The following UBE3C variants were observed in gnomAD, a reference collection of about 807,000 sequenced individuals.
UBE3C encodes the protein ubiquitin protein ligase E3C.
Under a neutral mutation model 129.4 loss-of-function variants are expected in UBE3C, and 42 were observed. The observed-to-expected ratio is 0.32, with a 90% CI of 0.25 to 0.42. The LOEUF is 0.42. Among genes scored for constraint, UBE3C ranks in the 10% least tolerant of loss-of-function variants. The pLI, the probability that UBE3C is intolerant of heterozygous loss-of-function variation, is 1.00. For missense variants in UBE3C, 1,049 were observed against 1,319.1 expected, an observed-to-expected ratio of 0.80 and a Z score of 3.17; for synonymous variants, 510 against 492.4, an observed-to-expected ratio of 1.04 and a Z score of -0.47.
intron 1 of UBE3C, among the ~76,000 whole-genome samples, chr7:157,143,872 T>A (rs2116786118): frequency 6.6e-6 from 1 of 152,226 alleles, no homozygotes; most frequent in African/African-American, 2.4e-5. Context: ...AGGGTGGGAC[T>A]CGTGAGGTAC....
intron 1 of UBE3C, among the ~76,000 whole-genome samples, chr7:157,147,874 A>T (rs1807650141): frequency 6.6e-6 from 1 of 152,206 alleles, no homozygotes; most frequent in African/African-American, 2.4e-5. Flanking sequence ...CGTCTTGCGT[A>T]TCTGGAATAA....
rs1393034393 is a variant in UBE3C at position 157,256,989 on chromosome 7, G to A, written c.3026G>A (p.Arg1009His). ...GAAGGGTTCACTGATGAAGAAAAGC[G>A]CAAACTGCTGAAGTTTGTAACAAGC... ...VVEGFTDEEK[R>H]KLLKFVTSCS... Residue 1009 changes from arginine to histidine, a missense_variant, in exon 22 of 23, where the codon CGC becomes CAC. This residue lies in a region of UBE3C where 243 missense variants were observed against 368.7 expected (regional missense o/e 0.66). Coordinates refer to ENST00000348165, the MANE Select transcript of UBE3C (RefSeq NM_014671.3). The A allele has an allele frequency of 1.9e-6, 3 of 1,614,186 alleles. No homozygotes were observed. The highest frequency in any genetic ancestry group is 1.7e-6 in the Non-Finnish European group (2 of 1,180,022).
chr7:157,231,065 A>T lies in UBE3C; in HGVS notation c.2234-15A>T, dbSNP rs772735703. 20 of 1,586,160 alleles carry T rather than the reference A, an allele frequency of 1.3e-5. No homozygotes were observed. Among genetic ancestry groups the T allele is most frequent in the South Asian group, 1.0e-4 (9 of 88,552 alleles). ...TAACATCTTTCCTCCTCACCCTCCC[A>T]TTTTTTTTTAACAGAGCCTGATTTG... On this transcript the variant is annotated splice_polypyrimidine_tract_variant and intron_variant, in intron 17 of 22. Coordinates refer to ENST00000348165, the MANE Select transcript of UBE3C (RefSeq NM_014671.3).
chr7:157,207,642 CTT>C (rs1475036653), intron 12 of UBE3C, 59 bp from the exon 13 acceptor site: 1 of 1,591,776 alleles, frequency 6.3e-7, no homozygotes, highest in Admixed American at 1.8e-5. Flanking sequence ...CTTTTTAAGT[CTT>C]TCAGTGTGTG....
intron 1 of UBE3C, among the ~76,000 whole-genome samples, chr7:157,150,660 T>G (rs968958974): frequency 6.6e-6 from 1 of 152,256 alleles, no homozygotes; most frequent in Non-Finnish European, 1.5e-5. Context: ...GTCATTAATT[T>G]ATTAACATAC....
intron 22 of UBE3C, among the ~76,000 whole-genome samples, chr7:157,263,749 G>T (rs2116716457): frequency 6.9e-6 from 1 of 145,040 alleles, no homozygotes; most frequent in African/African-American, 2.5e-5. Flanking sequence ...TTTTTATATT[G>T]GATTTTTTTT....
intron 18 of UBE3C, among the ~76,000 whole-genome samples, chr7:157,232,701 T>C (rs571896018): frequency 1.3e-5 from 2 of 152,346 alleles, no homozygotes; most frequent in East Asian, 3.9e-4. Context: ...CTATTGTGAT[T>C]AATTTCTGTA....
chr7:157,158,050 C>CT (rs60257662), intron 1 of UBE3C, among the ~76,000 whole-genome samples: 1,668 of 101,076 alleles, frequency 0.017, 23 homozygotes, highest in East Asian at 0.054. Context: ...CTCTTTTTTC[C>CT]TTTTTTTTTT....
At chr7:157,146,491 G>A (rs1325020066) in intron 1 of UBE3C, among the ~76,000 whole-genome samples, 1 of 152,092 alleles carries the variant, frequency 6.6e-6, no homozygotes, top group African/African-American at 2.4e-5. Context: ...AAAGTGCTGG[G>A]ATTACAGGCA....
chr7:157,185,256 C>T (rs1375021010), intron 9 of UBE3C, among the ~76,000 whole-genome samples: 1 of 152,220 alleles, frequency 6.6e-6, no homozygotes, highest in Non-Finnish European at 1.5e-5. Flanking sequence ...CATGCGGACC[C>T]GTGAACCGGG....
intron 17 of UBE3C, 125 bp downstream of exon 17, chr7:157,225,664 T>C: frequency 8.7e-7 from 1 of 1,146,778 alleles, no homozygotes; most frequent in Non-Finnish European, 1.2e-6. Context: ...AACTGAAATG[T>C]GAGGCTGGGC....
rs35366316 is a variant in UBE3C at position 157,208,055 on chromosome 7, C to CTTTTTTTTT, written c.1809+149_1809+157dup. 4.2e-4 allele frequency: 39 copies of CTTTTTTTTT among 91,926 alleles called. 11 individuals are homozygous for CTTTTTTTTT. Among genetic ancestry groups the CTTTTTTTTT allele is most frequent in the East Asian group, 1.3e-3 (3 of 2,280 alleles). 5.7% of individuals were successfully genotyped at this position (91,926 alleles called of 1,614,324 possible). ...TTCAGACATGTTTTAATTTGCAAGA[C>CTTTTTTTTT]TTTTTTTTTTTTTTTTTTTTTTTTT... On this transcript the variant is annotated intron_variant, in intron 13 of 22. Transcript: ENST00000348165.
rs149627920 is a variant in UBE3C at position 157,207,540 on chromosome 7, G to A, written c.1561G>A (p.Gly521Ser). Residue 521 changes from glycine (G) to serine (S), a missense_variant, in exon 12 of 23, where the codon GGT (glycine) becomes AGT (serine). Physicochemically the swap from Gly to Ser is moderately conservative, Grantham distance 56 (BLOSUM62 0). Coordinates refer to ENST00000348165, the MANE Select transcript of UBE3C (RefSeq NM_014671.3). Reference sequence around the variant, plus strand: ...TTCCATACATGATAACGAATTCTTCGGTGATCCCATAGAAGGTAAGGATTT... The same window carrying A: ...TTCCATACATGATAACGAATTCTTCAGTGATCCCATAGAAGGTAAGGATTT... ...LISIHDNEFF[G>S]DPIEVVGQRQ... 17 of 1,612,390 alleles carry A rather than the reference G, an allele frequency of 1.1e-5. No individual in the cohort carries two copies. The highest frequency in any genetic ancestry group is 1.6e-4 in the Middle Eastern group (1 of 6,080).
chr7:157,161,729 T>C (rs1808076006), intron 1 of UBE3C, among the ~76,000 whole-genome samples: 1 of 152,108 alleles, frequency 6.6e-6, no homozygotes, highest in South Asian at 2.1e-4. Context: ...GCTCGGATTA[T>C]AGCCATGAGC....
At chr7:157,155,911 T>C (rs1173561475) in intron 1 of UBE3C, among the ~76,000 whole-genome samples, 2 of 151,916 alleles carry the variant, frequency 1.3e-5, no homozygotes, top group Non-Finnish European at 2.9e-5. Context: ...AGAGACCCTT[T>C]GGGTGTTTGA....
At chr7:157,148,168 C>T (rs1478352408) in intron 1 of UBE3C, among the ~76,000 whole-genome samples, 3 of 152,072 alleles carry the variant, frequency 2.0e-5, no homozygotes, top group South Asian at 2.1e-4. Flanking sequence ...TACAGTGGTG[C>T]GATCTCACTG....
At chr7:157,205,489 G>C (rs1809407256) in intron 11 of UBE3C, among the ~76,000 whole-genome samples, 1 of 152,190 alleles carries the variant, frequency 6.6e-6, no homozygotes, top group South Asian at 2.1e-4. Context: ...GGCTCATCAA[G>C]ACGCAGGAGT....
At chr7:157,192,231 C>G (rs1178398063) in intron 10 of UBE3C, 3 of 314,116 alleles carry the variant, frequency 9.6e-6, no homozygotes, top group Non-Finnish European at 1.8e-5. Context: ...TATGAGTACA[C>G]TTGGAAGAAG....
Position 157,204,955 on chromosome 7 carries a change from C to T in UBE3C, c.1419-2443C>T, listed in dbSNP as rs143317496. Among the ~76,000 whole-genome samples, 408 of 152,334 alleles carry T rather than the reference C, an allele frequency of 2.7e-3. 4 individuals carry two copies. Among genetic ancestry groups the T allele is most frequent in the African/African-American group, 9.6e-3 (399 of 41,586 alleles). On this transcript the variant is annotated intron_variant, in intron 11 of 22. Transcript: ENST00000348165. ...TTCCCACAGGCACGCAATTTGAAAACCCTTGTTCTCAAGATCTAGACAGAG... is the reference window on the plus strand; with the variant it reads ...TTCCCACAGGCACGCAATTTGAAAATCCTTGTTCTCAAGATCTAGACAGAG...
Sources: allele counts gnomAD v4.1 joint callset (sites outside exome capture counted in the v4.1 genomes callset), GRCh38; gene constraint gnomAD v4.1.1; regional missense constraint gnomAD v4.1.1; transcripts MANE v1.5; gene names NCBI Gene and HGNC (gene_info 2026-07-23, HGNC 2026-07-21).